The following ACAD10 variants were observed in gnomAD, a reference collection of about 807,000 sequenced individuals.
ACAD10 encodes the protein acyl-CoA dehydrogenase family member 10.
A neutral mutation model predicts 116.8 loss-of-function variants in ACAD10; 112 were observed. The ratio of observed to expected loss-of-function variants is 0.96; its 90% CI spans 0.82 to 1.12. The LOEUF (loss-of-function observed/expected upper bound fraction) is 1.12. Among genes scored for constraint, ACAD10 ranks in the 50% most tolerant of loss-of-function variants. ACAD10 has a pLI of 0.00. For missense variants in ACAD10, 1,259 were observed against 1,350.2 expected (o/e 0.93, Z 1.06); for synonymous variants, 486 against 510.6 (o/e 0.95, Z 0.65).
chr12:111,729,766 G>C, intron 9 of ACAD10, 40 bp from the exon 10 acceptor site: 1 of 1,596,436 alleles, frequency 6.3e-7, no homozygotes, highest in Non-Finnish European at 8.6e-7. Context: ...TTCAGAGGTT[G>C]CTGAAATTGC....
chr12:111,708,079 G>C (rs1888564259), intron 4 of ACAD10, among the ~76,000 whole-genome samples: 2 of 152,176 alleles, frequency 1.3e-5, no homozygotes, highest in Non-Finnish European at 2.9e-5. Context: ...TCCTGGGATA[G>C]AGCCTTGATA....
chr12:111,701,460 T>C (rs1253166856), intron 2 of ACAD10, among the ~76,000 whole-genome samples: 1 of 152,046 alleles, frequency 6.6e-6, no homozygotes, highest in African/African-American at 2.4e-5. Context: ...AGGTCAGGAG[T>C]TTGAGATCAG....
At position 111,756,923 on chromosome 12, in the gene ACAD10, C is replaced by A; in HGVS notation, c.*450C>A. 2 of 457,056 alleles carry A rather than the reference C, an allele frequency of 4.4e-6. No homozygotes were observed. The highest frequency in any genetic ancestry group is 3.1e-5 in the South Asian group (2 of 64,546). 28.3% of individuals were successfully genotyped at this position (457,056 alleles called of 1,614,324 possible). ...TGAGCAGAGGGGCGGCCACGGCGGGCGGTGGCCTAGAGACCCAGGACCTGG... is the reference window on the plus strand; with the variant it reads ...TGAGCAGAGGGGCGGCCACGGCGGGAGGTGGCCTAGAGACCCAGGACCTGG... On this transcript the variant is annotated 3_prime_UTR_variant, in exon 21 of 21. Transcript: ENST00000313698.
At chr12:111,748,122 C>T (rs958039232) in intron 16 of ACAD10, among the ~76,000 whole-genome samples, 195 bp from the exon 17 acceptor site, 1 of 152,200 alleles carries the variant, frequency 6.6e-6, no homozygotes, top group Non-Finnish European at 1.5e-5. Flanking sequence ...ATGTTGGATT[C>T]ATTCCTCACT....
chr12:111,722,708 T>C (rs1388099202), intron 8 of ACAD10, among the ~76,000 whole-genome samples: 1 of 152,154 alleles, frequency 6.6e-6, no homozygotes, highest in Non-Finnish European at 1.5e-5. Flanking sequence ...GGGGGCAAGG[T>C]CACAGATCAA....
intron 2 of ACAD10, among the ~76,000 whole-genome samples, chr12:111,695,108 GGTC>G (rs1173219766): frequency 6.6e-6 from 1 of 152,166 alleles, no homozygotes; most frequent in Non-Finnish European, 1.5e-5. Flanking sequence ...GCCTGCATGT[GGTC>G]CCCTAGATTA....
rs947942923 is a variant in ACAD10, at chr12:111,756,947, G to T, written c.*474G>T. 1.6e-5 allele frequency: 7 copies of T among 446,922 alleles called. No homozygotes were observed. The highest frequency in any genetic ancestry group is 3.2e-5 in the Non-Finnish European group (7 of 222,118). 27.7% of individuals were successfully genotyped at this position (446,922 alleles called of 1,614,324 possible). On this transcript the variant is annotated 3_prime_UTR_variant, in exon 21 of 21. Coordinates refer to ENST00000313698, the MANE Select transcript of ACAD10 (RefSeq NM_025247.6). ...GCGGTGGCCTAGAGACCCAGGACCT[G>T]GGCGCCTGGGAAAATGGAATGCAAC... is the stretch of plus-strand genomic sequence containing the variant.
At chr12:111,691,830 C>T (rs1888052778) in intron 1 of ACAD10, among the ~76,000 whole-genome samples, 1 of 152,044 alleles carries the variant, frequency 6.6e-6, no homozygotes, top group South Asian at 2.1e-4. Context: ...CTCCTGACCT[C>T]AGGTGTTCTG....
At chr12:111,714,962 C>T (rs145517258) in intron 6 of ACAD10, among the ~76,000 whole-genome samples, 2,383 of 152,198 alleles carry the variant, frequency 0.016, 72 homozygotes, top group African/African-American at 0.054. Flanking sequence ...GTGATCTACC[C>T]GCCTTGGCCT....
rs76261196 is a variant in ACAD10 at position 111,733,641 on chromosome 12, G to T, written c.1395-282G>T. 6.7e-3 allele frequency: 3,028 copies of T among 450,698 alleles called. 85 individuals carry two copies. Among genetic ancestry groups the T allele is most frequent in the African/African-American group, 0.053 (2,742 of 51,458 alleles). The allele number at this position is 450,698 out of a possible 1,614,324, so 27.9% of individuals were successfully genotyped here. A position where few individuals can be genotyped will look rare whatever the true frequency, so the allele number is the denominator to read the frequency against. On this transcript the variant is annotated intron_variant, in intron 10 of 20. Transcript: ENST00000313698. ...CCATCACAGGGAGGGAGTAATTCCCGGAACCCAGAGAGGCTAGCTCTCTGG... is the reference window on the plus strand; with the variant it reads ...CCATCACAGGGAGGGAGTAATTCCCTGAACCCAGAGAGGCTAGCTCTCTGG...
At chr12:111,697,167 G>A (rs695047) in intron 2 of ACAD10, among the ~76,000 whole-genome samples, 1 of 151,294 alleles carries the variant, frequency 6.6e-6, no homozygotes, top group Non-Finnish European at 1.5e-5. Context: ...CTGGAACTCG[G>A]GAGGCAGAGG....
chr12:111,718,603 C>T (rs1888919192), intron 7 of ACAD10, among the ~76,000 whole-genome samples: 1 of 152,102 alleles, frequency 6.6e-6, no homozygotes, highest in African/African-American at 2.4e-5. Context: ...TCTCAGCCTC[C>T]TGAGTAGCTG....
In ACAD10 at chr12:111,744,820, C is replaced by T. The variant is rs2135987961; in HGVS notation, c.1892C>T (p.Thr631Ile). 2 of 1,614,246 alleles carry T rather than the reference C, an allele frequency of 1.2e-6. No individual in the cohort carries two copies. Among genetic ancestry groups the T allele is most frequent in the Non-Finnish European group, 8.5e-7 (1 of 1,180,044 alleles). ...WARPQSQWCP[T>I]GSRSYSSVPE... Reference sequence around the variant, plus strand: ...AGGCCCCAGTCCCAGTGGTGCCCCACAGGCAGCAGGAGTTATAGCTCCGTT... The same window carrying T: ...AGGCCCCAGTCCCAGTGGTGCCCCATAGGCAGCAGGAGTTATAGCTCCGTT... The change falls in exon 13 of 21, where the codon ACA (threonine) becomes ATA (isoleucine). Residue 631 changes from threonine (T) to isoleucine (I), a missense_variant. Thr to Ile is a moderately conservative substitution (Grantham distance 89, BLOSUM62 -1). Coordinates refer to ENST00000313698, the MANE Select transcript of ACAD10 (RefSeq NM_025247.6).
chr12:111,698,576 C>G (rs1055007309), intron 2 of ACAD10, among the ~76,000 whole-genome samples: 1 of 151,780 alleles, frequency 6.6e-6, no homozygotes, highest in Non-Finnish European at 1.5e-5. Flanking sequence ...CTCCCAGGTT[C>G]AAGCGATTCT....
chr12:111,737,721 G>A (rs1453373975), intron 12 of ACAD10, among the ~76,000 whole-genome samples: 1 of 151,998 alleles, frequency 6.6e-6, no homozygotes, highest in Non-Finnish European at 1.5e-5. Flanking sequence ...TTACACAAAT[G>A]TGATCATCCT....
intron 20 of ACAD10, 96 bp from the exon 21 acceptor site, chr12:111,756,236 TG>T (rs1266639674): frequency 3.4e-6 from 5 of 1,469,278 alleles, no homozygotes; most frequent in Non-Finnish European, 4.5e-6. Flanking sequence ...TCCGGGAAGA[TG>T]GTTGTTATGG....
rs762693482 is a variant in ACAD10 at position 111,736,974 on chromosome 12, CTACAG to C, written c.1685_1689del (p.Leu562ArgfsTer28). Reference sequence around the variant, plus strand: ...TTCCTTTTTCCGTGTGGCTGCAATCCTACAGGGAGTCTACAAGCGATCACTCACAG... The same window carrying C: ...TTCCTTTTTCCGTGTGGCTGCAATCCGGAGTCTACAAGCGATCACTCACAG... On this transcript the variant is annotated frameshift_variant, in exon 12 of 21. Transcript: ENST00000313698. LOFTEE classifies it high-confidence loss of function. 1 of 1,613,806 alleles carries C rather than the reference CTACAG, an allele frequency of 6.2e-7. No homozygotes were observed.
rs549331633 is a variant in ACAD10 at position 111,732,115 on chromosome 12, A to G, written c.1395-1808A>G. On this transcript the variant is annotated intron_variant, in intron 10 of 20. Coordinates refer to ENST00000313698, the MANE Select transcript of ACAD10 (RefSeq NM_025247.6). The stretch of plus-strand genomic sequence containing the variant: ...CAAAAAAAGAAAAGTAATGGGCAGT[A>G]ACATGGAAGATGGGAATATGCTACA... 2.0e-5 allele frequency among the ~76,000 whole-genome samples: 3 copies of G among 152,300 alleles called. No homozygotes were observed. The East Asian group carries it at 5.8e-4, about 29-fold the overall frequency.
In ACAD10 at chr12:111,744,934, G is replaced by C. The variant is rs756084470; in HGVS notation, c.2006G>C (p.Arg669Pro). 2.3e-5 allele frequency: 37 copies of C among 1,613,980 alleles called. No homozygotes were observed. The highest frequency in any genetic ancestry group is 3.0e-5 in the Non-Finnish European group (35 of 1,180,020). ...LSPPVRELYHRLKHFMEQRVY... is the reference protein window; with the variant it reads ...LSPPVRELYHPLKHFMEQRVY... ...CCACCTGTCAGAGAGCTGTATCACC[G>C]GCTGAAGCACTTCATGGAGCAACGT... is the stretch of plus-strand genomic sequence containing the variant. Residue 669 changes from arginine (R) to proline (P), a missense_variant, in exon 13 of 21, where the codon CGG (arginine) becomes CCG (proline). Coordinates refer to ENST00000313698, the MANE Select transcript of ACAD10 (RefSeq NM_025247.6).
Sources: gnomAD v4.1 joint callset for allele counts (sites outside exome capture counted in the v4.1 genomes callset) on GRCh38, gnomAD v4.1.1 for gene constraint, MANE v1.5 for transcripts, NCBI Gene and HGNC (gene_info 2026-07-23, HGNC 2026-07-21) for gene names.